Variants in RNF151 observed in about 807,000 individuals in gnomAD.
RNF151 encodes ring finger protein 151.
RNF151 carries 9 observed loss-of-function variants against 11.1 expected under a neutral mutation model. The observed-to-expected ratio is 0.81, with a 90% confidence interval of 0.49 to 1.42. RNF151 has a LOEUF of 1.42. Ranked by LOEUF, RNF151 falls within the 40% of genes most tolerant of loss-of-function variation. The pLI is 0.00. For missense variants in RNF151, 372 were observed against 342.9 expected (o/e 1.08, Z -0.67); for synonymous variants, 172 against 140.7 (o/e 1.22, Z -1.58).
chr16:1,968,628 G>A lies in RNF151; in HGVS notation c.441G>A (p.Gly147=), dbSNP rs375836064. 2.5e-5 allele frequency: 40 copies of A among 1,569,600 alleles called. No individual in the cohort carries two copies. The South Asian group carries it at 4.2e-4, about 16-fold the overall frequency. ...AGCAGCGCTGCCCCCTGGGCTGCGG[G>A]GCCACCCTGGACCCGGCCGAGCGTG... The part of the protein sequence containing the change: ...GSQQRCPLGC[G]ATLDPAERAR... The change falls in exon 4 of 4, where the codon GGG becomes GGA. Residue 147 remains glycine, a synonymous_variant. Coordinates refer to ENST00000569714, the MANE Select transcript of RNF151 (RefSeq NM_174903.6).
At chr16:1,967,057 G>C (rs2083316930) in intron 1 of RNF151, among the ~76,000 whole-genome samples, 173 bp downstream of exon 1, 1 of 152,186 alleles carries the variant, frequency 6.6e-6, no homozygotes, top group South Asian at 2.1e-4. Context: ...TCTAATTCCA[G>C]GCTAAGGCCC....
intron 1 of RNF151, 24 bp downstream of exon 1, chr16:1,966,908 C>A: frequency 1.3e-6 from 2 of 1,572,128 alleles, no homozygotes; most frequent in Non-Finnish European, 1.7e-6. Context: ...CCTCTTGCTT[C>A]CAGCCCTGAG....
In RNF151 at chr16:1,966,896, G is replaced by T; in HGVS notation, c.3+12G>T. ...AGACGCAGATCATGGTGAGCCTGGG[G>T]CCCTCTTGCTTCCAGCCCTGAGATG... is the stretch of plus-strand genomic sequence containing the variant. On this transcript the variant is annotated intron_variant, in intron 1 of 3. Transcript: ENST00000569714. The T allele has an allele frequency of 1.3e-6, 2 of 1,574,836 alleles. No homozygotes were observed. Among genetic ancestry groups the T allele is most frequent in the Non-Finnish European group, 1.7e-6 (2 of 1,156,078 alleles).
At chr16:1,968,031 G>A in intron 3 of RNF151, 1 of 701,510 alleles carries the variant, frequency 1.4e-6, no homozygotes, top group Non-Finnish European at 2.6e-6. Flanking sequence ...CCAAGCCCCT[G>A]GGTTAGAAAA....
chr16:1,968,557 C>G lies in RNF151; in HGVS notation c.370C>G (p.Arg124Gly). The G allele has an allele frequency of 6.2e-7, 1 of 1,608,454 alleles. No homozygotes were observed. The highest frequency in any genetic ancestry group is 8.5e-7 in the Non-Finnish European group (1 of 1,178,154). Residue 124 changes from arginine to glycine, a missense_variant, in exon 4 of 4, where the codon CGT (arginine) becomes GGT (glycine). Physicochemically the swap from Arg to Gly is moderately radical, Grantham distance 125. Transcript: ENST00000569714. ...CGAGGGCTGCACCTCGCAGGTGCCG[C>G]GTGGGACCCTGGCAGAGCACCGGCA... ...PNEGCTSQVPRGTLAEHRQHC... is the reference protein window; with the variant it reads ...PNEGCTSQVPGGTLAEHRQHC...
Position 1,968,656 on chromosome 16 carries a change from C to G in RNF151, c.469C>G (p.Arg157Gly). 6.4e-7 allele frequency: 1 copy of G among 1,566,976 alleles called. No individual in the cohort carries two copies. Among genetic ancestry groups the G allele is most frequent in the Non-Finnish European group, 8.6e-7 (1 of 1,156,886 alleles). The stretch of plus-strand genomic sequence containing the variant: ...CACCCTGGACCCGGCCGAGCGTGCT[C>G]GCCACAACTGCTACCGGGAGCTGCA... The part of the protein sequence containing the change: ...GATLDPAERA[R>G]HNCYRELHNA... Residue 157 changes from arginine to glycine, a missense_variant, in exon 4 of 4, where the codon CGC becomes GGC. Physicochemically the swap from Arg to Gly is moderately radical, Grantham distance 125. Coordinates refer to ENST00000569714, the MANE Select transcript of RNF151 (RefSeq NM_174903.6).
rs2083331322 is a variant in RNF151, at chr16:1,968,460, A to G, written c.273A>G (p.Ile91Met). 5.1e-6 allele frequency: 8 copies of G among 1,572,158 alleles called. No individual in the cohort carries two copies. The highest frequency in any genetic ancestry group is 6.1e-6 in the Non-Finnish European group (7 of 1,154,464). ...VKCKNADAGC[I>M]VTCPLAHRKG... ...GCAAGAACGCCGACGCTGGCTGCATAGTGACATGCCCCCTGGCCCATCGCA... is the reference window on the plus strand; with the variant it reads ...GCAAGAACGCCGACGCTGGCTGCATGGTGACATGCCCCCTGGCCCATCGCA... Residue 91 changes from isoleucine (I) to methionine (M), a missense_variant, in exon 4 of 4, where the codon ATA becomes ATG. Ile to Met is a conservative substitution (Grantham distance 10). Transcript: ENST00000569714.
At chr16:1,968,303 C>T in intron 3 of RNF151, 131 bp from the exon 4 acceptor site, 4 of 1,194,990 alleles carry the variant, frequency 3.3e-6, no homozygotes, top group Non-Finnish European at 4.5e-6. Context: ...GTGTTCTCTC[C>T]ACCAACTCAC....
At position 1,968,522 on chromosome 16, in the gene RNF151, C is replaced by A. The variant is rs1367735280; in HGVS notation, c.335C>A (p.Ala112Asp). ...GACTCATGCCCCTTTGAGCTAACGG[C>A]CTGCCCCAACGAGGGCTGCACCTCG... is the stretch of plus-strand genomic sequence containing the variant. Reference protein sequence around the residue: ...HQDSCPFELTACPNEGCTSQV... With the variant: ...HQDSCPFELTDCPNEGCTSQV... Residue 112 changes from alanine (A) to aspartate (D), a missense_variant, in exon 4 of 4, where the codon GCC becomes GAC. Transcript: ENST00000569714. 6.2e-7 allele frequency: 1 copy of A among 1,609,156 alleles called. No homozygotes were observed. The highest frequency in any genetic ancestry group is 1.7e-5 in the Admixed American group (1 of 59,772).
In RNF151 at chr16:1,967,785, T is replaced by A; in HGVS notation, c.210T>A (p.Asn70Lys). The change falls in exon 3 of 4, where the codon AAT becomes AAA. Residue 70 changes from asparagine (N) to lysine (K), a missense_variant. Physicochemically the swap from Asn to Lys is moderately conservative, Grantham distance 94. Coordinates refer to ENST00000569714, the MANE Select transcript of RNF151 (RefSeq NM_174903.6). ...EVKRKKVVHM[N>K]KLRKTIGRLE... ...AAAGGAAAAAGGTTGTCCACATGAA[T>A]AAACTCCGGAAAACCATTGGCCGCC... 1 of 1,611,658 alleles carries A rather than the reference T, an allele frequency of 6.2e-7. No homozygotes were observed. The highest frequency in any genetic ancestry group is 8.5e-7 in the Non-Finnish European group (1 of 1,178,972).
chr16:1,967,230 C>A, intron 1 of RNF151, 44 bp from the exon 2 acceptor site: 1 of 1,592,098 alleles, frequency 6.3e-7, no homozygotes, highest in Non-Finnish European at 8.6e-7. Context: ...GGACCAGGGA[C>A]TGGATCACTG....
rs952200581 is a variant in RNF151, at chr16:1,966,873, A to G, written c.-9A>G. On this transcript the variant is annotated 5_prime_UTR_variant, in exon 1 of 4. Transcript: ENST00000569714. The stretch of plus-strand genomic sequence containing the variant: ...GGGGGCCTGTGGAGCTGCTGTCTAG[A>G]CGCAGATCATGGTGAGCCTGGGGCC... 3.8e-6 allele frequency: 6 copies of G among 1,575,250 alleles called. No individual in the cohort carries two copies. In the African/African-American group the frequency reaches 8.2e-5, roughly 21 times the overall value.
intron 3 of RNF151, 61 bp from the exon 4 acceptor site, chr16:1,968,373 G>A: frequency 6.9e-7 from 1 of 1,456,104 alleles, no homozygotes; most frequent in East Asian, 2.5e-5. Flanking sequence ...TGGAAAGCCA[G>A]GGGTGGGGGA....
At chr16:1,967,210 C>A in intron 1 of RNF151, 64 bp from the exon 2 acceptor site, 1 of 1,555,504 alleles carries the variant, frequency 6.4e-7, no homozygotes, top group Non-Finnish European at 8.7e-7. Context: ...GGCTCTCTTG[C>A]TCGGTATGTG....
rs763041435 is a variant in RNF151, at chr16:1,967,332, C to T, written c.62C>T (p.Ser21Phe). ...ASPPDSNFVC[S>F]VCHGVLKRPA... ...CCTCCTGACAGCAACTTCGTGTGCTCCGTCTGCCATGGGGTTCTCAAGAGG... is the reference window on the plus strand; with the variant it reads ...CCTCCTGACAGCAACTTCGTGTGCTTCGTCTGCCATGGGGTTCTCAAGAGG... The change falls in exon 2 of 4, where the codon TCC becomes TTC. Residue 21 changes from serine to phenylalanine, a missense_variant. Coordinates refer to ENST00000569714, the MANE Select transcript of RNF151 (RefSeq NM_174903.6). The T allele has an allele frequency of 3.4e-5, 55 of 1,613,576 alleles. 1 individual carries two copies. In the South Asian group the frequency reaches 4.0e-4, roughly 12 times the overall value.
intron 3 of RNF151, chr16:1,968,058 CTT>C (rs1164151955): frequency 2.9e-6 from 2 of 698,356 alleles, no homozygotes; most frequent in African/African-American, 3.5e-5. Flanking sequence ...TTTTAGAGGA[CTT>C]TTAAAATGGA....
At position 1,968,894 on chromosome 16, in the gene RNF151, G is replaced by A; in HGVS notation, c.707G>A (p.Gly236Glu). 6.3e-7 allele frequency: 1 copy of A among 1,599,084 alleles called. No individual in the cohort carries two copies. Among genetic ancestry groups the A allele is most frequent in the Non-Finnish European group, 8.5e-7 (1 of 1,173,620 alleles). The change falls in exon 4 of 4, where the codon GGG becomes GAG. Residue 236 changes from glycine to glutamate, a missense_variant. Coordinates refer to ENST00000569714, the MANE Select transcript of RNF151 (RefSeq NM_174903.6). ...GGCAACGTTGGGGCTGAGGTGGTGG[G>A]GGAGCCCAGGGCCAACATACCTTGT... ...PEGNVGAEVV[G>E]EPRANIPCK
chr16:1,966,993 G>A, intron 1 of RNF151, 109 bp downstream of exon 1: 1 of 1,298,926 alleles, frequency 7.7e-7, no homozygotes, highest in Non-Finnish European at 1.1e-6. Context: ...GGTGGGCAAT[G>A]GGTTGCAGAC....
rs889901706 is a variant in RNF151, at chr16:1,968,435, G to A, written c.248G>A (p.Cys83Tyr). ...RKTIGRLEVKCKNADAGCIVT... is the reference protein window; with the variant it reads ...RKTIGRLEVKYKNADAGCIVT... ...TCACACGTTCTCCTTCACCCTCAGT[G>A]CAAGAACGCCGACGCTGGCTGCATA... The change falls in exon 4 of 4, where the codon TGC becomes TAC. Residue 83 changes from cysteine to tyrosine, a missense_variant and splice_region_variant. Transcript: ENST00000569714. 6.5e-7 allele frequency: 1 copy of A among 1,550,152 alleles called. No homozygotes were observed. Among genetic ancestry groups the A allele is most frequent in the African/African-American group, 1.4e-5 (1 of 73,420 alleles).
Sources: gnomAD v4.1 joint callset for allele counts (sites outside exome capture counted in the v4.1 genomes callset) on GRCh38, gnomAD v4.1.1 for gene constraint, MANE v1.5 for transcripts, NCBI Gene and HGNC (gene_info 2026-07-23, HGNC 2026-07-21) for gene names.